RPA2: variants seen among roughly 807,000 people sequenced by gnomAD.
RPA2 encodes replication protein A 32 kDa subunit.
A neutral mutation model predicts 33.4 loss-of-function variants in RPA2; 22 were observed. The ratio of observed to expected loss-of-function variants is 0.66; its 90% confidence interval spans 0.47 to 0.94. RPA2 has a LOEUF of 0.94. RPA2 is among the 40% of genes least tolerant of loss of function. The pLI is 0.00. For missense variants in RPA2, 279 were observed against 329.9 expected, an observed-to-expected ratio of 0.85 and a Z score of 1.19; for synonymous variants, 109 against 114.9, an observed-to-expected ratio of 0.95 and a Z score of 0.33.
chr1:27,898,438 C>T (rs1474960583), intron 4 of RPA2, among the ~76,000 whole-genome samples: 1 of 152,008 alleles, frequency 6.6e-6, no homozygotes, highest in East Asian at 1.9e-4. Context: ...GGACAATACA[C>T]ACTAAACTGT....
intron 6 of RPA2, among the ~76,000 whole-genome samples, chr1:27,896,140 G>A (rs1238858504): frequency 6.6e-6 from 1 of 152,092 alleles, no homozygotes; most frequent in Non-Finnish European, 1.5e-5. Context: ...ATACTCGAAT[G>A]CCGACTAGAA....
chr1:27,897,237 G>T, intron 5 of RPA2, 116 bp from the exon 6 acceptor site: 1 of 708,770 alleles, frequency 1.4e-6, no homozygotes, highest in African/African-American at 1.8e-5. Flanking sequence ...TGAGAAAAAT[G>T]TTATATACTC....
chr1:27,910,303 A>G (rs535114933), intron 2 of RPA2, among the ~76,000 whole-genome samples: 1 of 152,348 alleles, frequency 6.6e-6, no homozygotes, highest in South Asian at 2.1e-4. Flanking sequence ...CAATCTCTAC[A>G]TGTAGTAGAT....
chr1:27,913,342 ACTTTG>A lies in RPA2; in HGVS notation c.117+716_117+720del, dbSNP rs1418608329. On this transcript the variant is annotated intron_variant, in intron 2 of 8. Transcript: ENST00000373912. ...CGTGGCTCACGCCTGTAATCCCAAC[ACTTTG>A]GGAGGCTGAGGCGGGTGGATTACCT... Among the ~76,000 whole-genome samples the A allele has an allele frequency of 5.0e-3, 752 of 150,866 alleles. 4 individuals carry two copies. The highest frequency in any genetic ancestry group is 8.1e-3 in the Non-Finnish European group (546 of 67,698).
intron 4 of RPA2, among the ~76,000 whole-genome samples, chr1:27,903,383 G>A (rs1426062521): frequency 6.6e-6 from 1 of 152,072 alleles, no homozygotes; most frequent in Non-Finnish European, 1.5e-5. Flanking sequence ...GGAATCGGTG[G>A]TCATTTAAAA....
chr1:27,909,646 G>A (rs182734228), intron 2 of RPA2, among the ~76,000 whole-genome samples: 53 of 152,014 alleles, frequency 3.5e-4, no homozygotes, highest in Non-Finnish European at 5.4e-4. Context: ...CTCGGGAGGC[G>A]GAGGTTGCAG....
At chr1:27,914,374 C>T (rs1284868519) in intron 1 of RPA2, 60 bp downstream of exon 1, 7 of 1,613,962 alleles carry the variant, frequency 4.3e-6, no homozygotes, top group Non-Finnish European at 5.9e-6. Flanking sequence ...CCTAGGCTCG[C>T]CCTCTTGCTA....
chr1:27,896,448 A>G (rs2089893387), intron 6 of RPA2, among the ~76,000 whole-genome samples: 1 of 152,138 alleles, frequency 6.6e-6, no homozygotes, highest in Non-Finnish European at 1.5e-5. Flanking sequence ...ATTTCAGGCC[A>G]TGAACCACCA....
intron 4 of RPA2, among the ~76,000 whole-genome samples, chr1:27,898,901 T>C (rs1435576238): frequency 1.3e-5 from 2 of 152,078 alleles, no homozygotes; most frequent in Non-Finnish European, 2.9e-5. Context: ...ATAAAATGTA[T>C]TACTTTAAAA....
chr1:27,911,675 G>C (rs747161349), intron 2 of RPA2, among the ~76,000 whole-genome samples: 1 of 152,178 alleles, frequency 6.6e-6, no homozygotes, highest in Non-Finnish European at 1.5e-5. Context: ...TGTGCGTACT[G>C]TCTGATTCTA....
chr1:27,898,855 C>A (rs2089926027), intron 4 of RPA2, among the ~76,000 whole-genome samples: 1 of 151,916 alleles, frequency 6.6e-6, no homozygotes, highest in African/African-American at 2.4e-5. Flanking sequence ...TCGTGTCCGG[C>A]CCATTAGCTG....
chr1:27,899,905 C>T (rs866500002), intron 4 of RPA2, among the ~76,000 whole-genome samples: 2 of 152,142 alleles, frequency 1.3e-5, no homozygotes, highest in African/African-American at 2.4e-5. Context: ...TGGTCTCGAT[C>T]TCCTGACCTC....
At chr1:27,894,181 T>A in intron 7 of RPA2, 75 bp from the exon 8 acceptor site, 3 of 1,515,250 alleles carry the variant, frequency 2.0e-6, no homozygotes, top group Non-Finnish European at 2.7e-6. Context: ...AGTCCCTTTA[T>A]AGAAAAGAAA....
intron 4 of RPA2, among the ~76,000 whole-genome samples, chr1:27,905,027 T>A (rs1243342240): frequency 1.3e-5 from 2 of 152,218 alleles, no homozygotes; most frequent in South Asian, 2.1e-4. Flanking sequence ...CAAGAGGCCT[T>A]CTGCACAATT....
chr1:27,912,851 G>A (rs768521033), intron 2 of RPA2, among the ~76,000 whole-genome samples: 1 of 152,130 alleles, frequency 6.6e-6, no homozygotes, highest in African/African-American at 2.4e-5. Context: ...CTCTTCACAG[G>A]GGCAAAACTG....
intron 4 of RPA2, among the ~76,000 whole-genome samples, chr1:27,905,264 C>T (rs2090013725): frequency 2.0e-5 from 3 of 152,016 alleles, no homozygotes; most frequent in Non-Finnish European, 4.4e-5. Context: ...CTTAATAATC[C>T]TTTATTGCTA....
chr1:27,914,548 C>T lies in RPA2; in HGVS notation c.-105G>A. 1 of 1,610,842 alleles carries T rather than the reference C, an allele frequency of 6.2e-7. No homozygotes were observed. The highest frequency in any genetic ancestry group is 8.5e-7 in the Non-Finnish European group (1 of 1,178,830). Reference sequence around the variant, plus strand: ...ACTGCGCCGCTCTGGCTACTTTTCTCTGGCACCACAAACGCCTTCCCGCGA... The same window carrying T: ...ACTGCGCCGCTCTGGCTACTTTTCTTTGGCACCACAAACGCCTTCCCGCGA... On this transcript the variant is annotated 5_prime_UTR_variant, in exon 1 of 9. Transcript: ENST00000373912.
chr1:27,910,972 T>C (rs770869295), intron 2 of RPA2, among the ~76,000 whole-genome samples: 2 of 152,022 alleles, frequency 1.3e-5, no homozygotes, highest in African/African-American at 2.4e-5. Flanking sequence ...TCCCAACACT[T>C]TGGGAGGCCA....
intron 6 of RPA2, among the ~76,000 whole-genome samples, chr1:27,896,462 C>T (rs28904890): frequency 0.033 from 4,986 of 152,234 alleles, 270 homozygotes; most frequent in African/African-American, 0.11. Context: ...ACCACCACAC[C>T]TTGCCCTGAG....
Sources: allele counts gnomAD v4.1 joint callset (sites outside exome capture counted in the v4.1 genomes callset), GRCh38; gene constraint gnomAD v4.1.1; transcripts MANE v1.5; gene names NCBI Gene and HGNC (gene_info 2026-07-23, HGNC 2026-07-21).